MAPK8: variants seen among roughly 807,000 people sequenced by gnomAD.
The protein encoded by MAPK8 is JUN N-terminal kinase.
MAPK8 carries 13 observed loss-of-function variants against 52.9 expected under a neutral mutation model. The ratio of observed to expected loss-of-function variants is 0.25; its 90% CI spans 0.16 to 0.39. The LOEUF is 0.39. Ranked by LOEUF, MAPK8 falls within the 10% of genes least tolerant of loss-of-function variation. The pLI is 1.00. For synonymous variants in MAPK8, 191 were observed against 169.8 expected, an observed-to-expected ratio of 1.12 and a Z score of -0.97; for missense variants, 300 against 519.2, an observed-to-expected ratio of 0.58 and a Z score of 4.10.
chr10:48,320,564 T>A (rs1253509659), intron 1 of MAPK8, among the ~76,000 whole-genome samples: 1 of 152,038 alleles, frequency 6.6e-6, no homozygotes, highest in African/African-American at 2.4e-5. Context: ...TGGTGAAATA[T>A]TATTTGGTTG....
In MAPK8 at chr10:48,424,149, A is replaced by G. The variant is rs770168990; in HGVS notation, c.678A>G (p.Pro226=). Residue 226 remains proline, a synonymous_variant, in exon 7 of 12, where the codon CCA becomes CCG. Coordinates refer to ENST00000374189, the MANE Select transcript of MAPK8 (RefSeq NM_001323329.2). ...GEMVCHKILF[P]GRDYIDQWNK... ...TGGTTTGCCACAAAATCCTCTTTCCAGGAAGGGACTGTATCCTTGTGCTGC... is the reference window on the plus strand; with the variant it reads ...TGGTTTGCCACAAAATCCTCTTTCCGGGAAGGGACTGTATCCTTGTGCTGC... 7 of 1,613,374 alleles carry G rather than the reference A, an allele frequency of 4.3e-6. No homozygotes were observed. The highest frequency in any genetic ancestry group is 1.1e-5 in the South Asian group (1 of 91,048).
Position 48,420,166 on chromosome 10 carries a change from C to T in MAPK8, c.462C>T (p.Pro154=). The change falls in exon 6 of 12, where the codon CCC becomes CCT. Residue 154 remains proline (P), a synonymous_variant. Coordinates refer to ENST00000374189, the MANE Select transcript of MAPK8 (RefSeq NM_001323329.2). Reference sequence around the variant, plus strand: ...TTTATTTTCTGAAGGACTTAAAGCCCAGTAATATAGTAGTAAAATCTGATT... The same window carrying T: ...TTTATTTTCTGAAGGACTTAAAGCCTAGTAATATAGTAGTAAAATCTGATT... ...SAGIIHRDLK[P]SNIVVKSDCT... 1 of 1,611,708 alleles carries T rather than the reference C, an allele frequency of 6.2e-7. No homozygotes were observed. The highest frequency in any genetic ancestry group is 1.1e-5 in the South Asian group (1 of 90,870).
chr10:48,386,128 A>T (rs2041297268), intron 1 of MAPK8, among the ~76,000 whole-genome samples: 1 of 152,156 alleles, frequency 6.6e-6, no homozygotes, highest in Non-Finnish European at 1.5e-5. Context: ...TGGTGGTTGA[A>T]TGTGATCAGC....
chr10:48,309,757 A>G lies in MAPK8; in HGVS notation c.-50+2936A>G, dbSNP rs553345572. On this transcript the variant is annotated intron_variant, in intron 1 of 11. Transcript: ENST00000374189. ...ATTTTGACATATTTCAGTCATCTAC[A>G]TGGTTGAGATGCTTTGTTGCACGAG... Among the ~76,000 whole-genome samples the G allele has an allele frequency of 2.0e-5, 3 of 152,280 alleles. No homozygotes were observed. In the South Asian group the frequency reaches 6.2e-4, roughly 32 times the overall value.
chr10:48,388,961 T>G (rs2590388), intron 1 of MAPK8, among the ~76,000 whole-genome samples: 5,536 of 152,116 alleles, frequency 0.036, 281 homozygotes, highest in African/African-American at 0.11. Flanking sequence ...AAATGGCTAG[T>G]CAGCCATAGT....
intron 1 of MAPK8, among the ~76,000 whole-genome samples, chr10:48,338,364 T>G (rs1466610704): frequency 6.6e-6 from 1 of 152,088 alleles, no homozygotes; most frequent in East Asian, 1.9e-4. Context: ...CATATTCTTA[T>G]GCAGTAAAAT....
intron 1 of MAPK8, among the ~76,000 whole-genome samples, chr10:48,321,705 T>A (rs1011334020): frequency 6.6e-6 from 1 of 152,224 alleles, no homozygotes; most frequent in Non-Finnish European, 1.5e-5. Flanking sequence ...AAGGAAGGCA[T>A]GTGAGGTAAT....
At chr10:48,384,555 A>G (rs1350512079) in intron 1 of MAPK8, among the ~76,000 whole-genome samples, 1 of 152,236 alleles carries the variant, frequency 6.6e-6, no homozygotes, top group Non-Finnish European at 1.5e-5. Context: ...CAAAAAAAGC[A>G]TAATATATGT....
At chr10:48,350,116 C>G (rs1452032905) in intron 1 of MAPK8, among the ~76,000 whole-genome samples, 1 of 152,090 alleles carries the variant, frequency 6.6e-6, no homozygotes, top group East Asian at 1.9e-4. Flanking sequence ...GAAATTGAGG[C>G]AGTACTTAAT....
chr10:48,334,915 T>C (rs1422368546), intron 1 of MAPK8, among the ~76,000 whole-genome samples: 2 of 152,188 alleles, frequency 1.3e-5, no homozygotes, highest in Non-Finnish European at 2.9e-5. Flanking sequence ...GGTCGAGTAC[T>C]ATGGGGTTAC....
Position 48,428,770 on chromosome 10 carries a change from G to A in MAPK8, c.1060+1627G>A, listed in dbSNP as rs73293518. Among the ~76,000 whole-genome samples the A allele has an allele frequency of 3.5e-3, 531 of 152,266 alleles. 5 individuals are homozygous for A. Among genetic ancestry groups the A allele is most frequent in the African/African-American group, 0.012 (518 of 41,556 alleles). ...TATTTTTACATCCTACTAATTTACA[G>A]TAGACGATGAAGTATTTTGTAGAAT... is the stretch of plus-strand genomic sequence containing the variant. On this transcript the variant is annotated intron_variant, in intron 10 of 11. Coordinates refer to ENST00000374189, the MANE Select transcript of MAPK8 (RefSeq NM_001323329.2).
At chr10:48,361,019 T>C (rs1255459640) in intron 1 of MAPK8, among the ~76,000 whole-genome samples, 3 of 152,160 alleles carry the variant, frequency 2.0e-5, no homozygotes, top group Non-Finnish European at 4.4e-5. Flanking sequence ...ATGCCAGTTA[T>C]CTGTAATCAT....
intron 9 of MAPK8, 142 bp downstream of exon 9, chr10:48,426,646 C>T (rs1345884348): frequency 5.2e-6 from 4 of 771,172 alleles, no homozygotes; most frequent in South Asian, 1.8e-5. Flanking sequence ...ATGAAGACTA[C>T]GTCAAATAAA....
At chr10:48,387,914 T>C (rs1199208164) in intron 1 of MAPK8, among the ~76,000 whole-genome samples, 1 of 152,156 alleles carries the variant, frequency 6.6e-6, no homozygotes, top group Non-Finnish European at 1.5e-5. Flanking sequence ...CTAAAGTTAG[T>C]GTGTAAAGCC....
At chr10:48,363,877 C>G (rs1197076989) in intron 1 of MAPK8, among the ~76,000 whole-genome samples, 1 of 152,214 alleles carries the variant, frequency 6.6e-6, no homozygotes, top group Non-Finnish European at 1.5e-5. Context: ...TATTTACAGA[C>G]TTCTGAAAAG....
At chr10:48,357,429 CT>C (rs1847086432) in intron 1 of MAPK8, among the ~76,000 whole-genome samples, 1 of 152,162 alleles carries the variant, frequency 6.6e-6, no homozygotes, top group Non-Finnish European at 1.5e-5. Context: ...GGGTCTCGCT[CT>C]TTTACCTATG....
intron 6 of MAPK8, among the ~76,000 whole-genome samples, chr10:48,421,172 G>T (rs556613469): frequency 6.6e-6 from 1 of 152,260 alleles, no homozygotes; most frequent in Admixed American, 6.5e-5. Flanking sequence ...TTTGAATCAG[G>T]AAATTGTAAT....
chr10:48,376,770 G>C lies in MAPK8; in HGVS notation c.-49-24842G>C, dbSNP rs376513979. ...AGGAACACTTTTGCACTGTTGGTGGGAGTGTAAATTAGTTCAACCATTGTG... is the reference window on the plus strand; with the variant it reads ...AGGAACACTTTTGCACTGTTGGTGGCAGTGTAAATTAGTTCAACCATTGTG... On this transcript the variant is annotated intron_variant, in intron 1 of 11. Coordinates refer to ENST00000374189, the MANE Select transcript of MAPK8 (RefSeq NM_001323329.2). Among the ~76,000 whole-genome samples the C allele has an allele frequency of 1.7e-3, 252 of 152,274 alleles. 4 individuals carry two copies. Among genetic ancestry groups the C allele is most frequent in the South Asian group, 0.011 (52 of 4,830 alleles).
intron 1 of MAPK8, among the ~76,000 whole-genome samples, chr10:48,364,630 C>T (rs77872023): frequency 3.7e-4 from 56 of 152,256 alleles, no homozygotes; most frequent in African/African-American, 1.3e-3. Context: ...ACTAAGGAAT[C>T]AGAAGTTGCC....
Sources: allele counts gnomAD v4.1 joint callset (sites outside exome capture counted in the v4.1 genomes callset), GRCh38; gene constraint gnomAD v4.1.1; transcripts MANE v1.5; gene names NCBI Gene and HGNC (gene_info 2026-07-23, HGNC 2026-07-21).